The following PPFIA2 variants were observed in gnomAD, a reference collection of about 807,000 sequenced individuals.
PPFIA2 encodes the protein liprin-alpha-2.
PPFIA2 carries 46 observed loss-of-function variants against 175.5 expected under a neutral mutation model. The observed-to-expected ratio is 0.26, with a 90% CI of 0.21 to 0.34. The LOEUF (loss-of-function observed/expected upper bound fraction) is 0.34. PPFIA2 is among the 10% of genes least tolerant of loss of function. The pLI is 1.00. For missense variants in PPFIA2, 1,179 were observed against 1,506.1 expected (o/e 0.78, Z 3.60); for synonymous variants, 568 against 511.4 (o/e 1.11, Z -1.49).
intron 27 of PPFIA2, among the ~76,000 whole-genome samples, chr12:81,280,602 C>T (rs2041862326): frequency 6.6e-6 from 1 of 152,138 alleles, no homozygotes; most frequent in Admixed American, 6.5e-5. Context: ...GCTGACATTG[C>T]TTCACCTAAC....
At chr12:81,606,587 TTA>T (rs1439446671) in intron 4 of PPFIA2, among the ~76,000 whole-genome samples, 14 of 152,014 alleles carry the variant, frequency 9.2e-5, no homozygotes, top group Non-Finnish European at 1.9e-4. Flanking sequence ...TCAGTATTTT[TTA>T]TGTTTGCTGG....
At chr12:81,319,571 C>T (rs755835541) in intron 22 of PPFIA2, among the ~76,000 whole-genome samples, 35 of 151,648 alleles carry the variant, frequency 2.3e-4, no homozygotes, top group Non-Finnish European at 8.9e-5. Context: ...AATTAGTTGC[C>T]GAGGAATTTT....
chr12:81,639,500 T>G (rs1312476811), intron 4 of PPFIA2, among the ~76,000 whole-genome samples: 2 of 151,938 alleles, frequency 1.3e-5, no homozygotes, highest in African/African-American at 4.8e-5. Flanking sequence ...ACACACATTC[T>G]TTTTAACCAC....
chr12:81,279,158 G>T (rs1437274523), intron 27 of PPFIA2: 2 of 152,112 alleles, frequency 1.3e-5, no homozygotes, highest in African/African-American at 2.4e-5. Flanking sequence ...AAGAGATTTG[G>T]ACACTTGGTG....
chr12:81,513,541 G>A (rs1423799895), intron 4 of PPFIA2, among the ~76,000 whole-genome samples: 4 of 151,810 alleles, frequency 2.6e-5, no homozygotes, highest in Non-Finnish European at 5.9e-5. Context: ...TATTTTGAAA[G>A]GATTTTAGAT....
At chr12:81,552,800 A>T (rs1048984753) in intron 4 of PPFIA2, among the ~76,000 whole-genome samples, 3 of 152,112 alleles carry the variant, frequency 2.0e-5, no homozygotes, top group Non-Finnish European at 4.4e-5. Flanking sequence ...GCTAAACAGT[A>T]AAGTAGCTTT....
chr12:81,697,186 A>C (rs1367500972), intron 3 of PPFIA2, among the ~76,000 whole-genome samples: 5 of 152,086 alleles, frequency 3.3e-5, no homozygotes, highest in South Asian at 2.1e-4. Context: ...CATCTTTCCC[A>C]TTCTCTTTCA....
rs1567687759 is a variant in PPFIA2, at chr12:81,642,714, G to GTATATATTATATACATACATTATGTATA, written c.303+34076_303+34077insTATACATAATGTATGTATATAATATATA. 7.4e-3 allele frequency among the ~76,000 whole-genome samples: 172 copies of GTATATATTATATACATACATTATGTATA among 23,318 alleles called. 52 individuals are homozygous for GTATATATTATATACATACATTATGTATA. The highest frequency in any genetic ancestry group is 0.011 in the Non-Finnish European group (139 of 12,968). 15.3% of individuals were successfully genotyped at this position (23,318 alleles called of 152,430 possible). A position where few individuals can be genotyped will look rare whatever the true frequency, so the allele number is the denominator to read the frequency against. ...TATACATACATGTATATGTATGTAT[G>GTATATATTATATACATACATTATGTATA]TATTATATACATACATGTATATGTA... On this transcript the variant is annotated intron_variant, in intron 4 of 32. Transcript: ENST00000549396.
intron 3 of PPFIA2, among the ~76,000 whole-genome samples, chr12:81,709,069 C>T (rs932856588): frequency 6.6e-6 from 1 of 152,102 alleles, no homozygotes; most frequent in East Asian, 1.9e-4. Flanking sequence ...CCAGAGCCAT[C>T]GGACTGCCAA....
intron 22 of PPFIA2, among the ~76,000 whole-genome samples, chr12:81,303,800 A>G (rs1343317923): frequency 6.6e-6 from 1 of 152,190 alleles, no homozygotes; most frequent in Non-Finnish European, 1.5e-5. Flanking sequence ...TTCTAGATAA[A>G]AGACCAATAG....
intron 3 of PPFIA2, among the ~76,000 whole-genome samples, chr12:81,750,645 T>C (rs2083635979): frequency 6.6e-6 from 1 of 152,164 alleles, no homozygotes; most frequent in South Asian, 2.1e-4. Context: ...CAGCACTTTT[T>C]AAACGCAGAT....
At chr12:81,361,011 T>C (rs2029925459) in intron 15 of PPFIA2, among the ~76,000 whole-genome samples, 1 of 151,704 alleles carries the variant, frequency 6.6e-6, no homozygotes, top group Non-Finnish European at 1.5e-5. Flanking sequence ...TAATTATCTG[T>C]GAGTCCTAGG....
At chr12:81,360,128 T>A (rs2061405154) in intron 15 of PPFIA2, among the ~76,000 whole-genome samples, 1 of 151,940 alleles carries the variant, frequency 6.6e-6, no homozygotes, top group Non-Finnish European at 1.5e-5. Flanking sequence ...CTCCTAGTAT[T>A]CTTTTTTATT....
Position 81,714,156 on chromosome 12 carries a change from T to C in PPFIA2, c.250-37312A>G, listed in dbSNP as rs193270583. ...GAGAGAGAGAGGTGGTCAGACCAAA[T>C]GGTAAATATGTATAGAAGCATAAAT... On this transcript the variant is annotated intron_variant, in intron 3 of 32. Transcript: ENST00000549396. Among the ~76,000 whole-genome samples the C allele has an allele frequency of 2.4e-3, 359 of 151,080 alleles. 5 individuals carry two copies. The highest frequency in any genetic ancestry group is 8.4e-3 in the African/African-American group (349 of 41,460).
chr12:81,567,078 G>A (rs1353440613), intron 4 of PPFIA2, among the ~76,000 whole-genome samples: 4 of 152,056 alleles, frequency 2.6e-5, no homozygotes, highest in East Asian at 1.9e-4. Context: ...ACTGAGTGGC[G>A]CTCTGTCGCC....
At chr12:81,393,967 T>C (rs1008385975) in intron 8 of PPFIA2, among the ~76,000 whole-genome samples, 1 of 152,020 alleles carries the variant, frequency 6.6e-6, no homozygotes, top group Non-Finnish European at 1.5e-5. Context: ...ATGGTTTAAT[T>C]TGGCCTGTAT....
At chr12:81,738,105 C>A (rs2081864413) in intron 3 of PPFIA2, among the ~76,000 whole-genome samples, 1 of 149,976 alleles carries the variant, frequency 6.7e-6, no homozygotes. Context: ...CTAAAGCAGC[C>A]AAAAAGATTA....
In PPFIA2 at chr12:81,619,166, G is replaced by A. The variant is rs114941076; in HGVS notation, c.303+57625C>T. 4.1e-3 allele frequency among the ~76,000 whole-genome samples: 618 copies of A among 152,252 alleles called. 3 individuals carry two copies. Among genetic ancestry groups the A allele is most frequent in the African/African-American group, 0.014 (579 of 41,542 alleles). On this transcript the variant is annotated intron_variant, in intron 4 of 32. Transcript: ENST00000549396. ...ACATTCTTCTCTTTGGACTACAAGC[G>A]AAGTAAAACATCCGTCTCTGGTAAT...
chr12:81,462,603 T>C (rs1165310582), intron 4 of PPFIA2, among the ~76,000 whole-genome samples: 1 of 142,826 alleles, frequency 7.0e-6, no homozygotes, highest in East Asian at 2.1e-4. Flanking sequence ...TATATATATA[T>C]ATATAATATA....
Sources: allele counts gnomAD v4.1 joint callset (sites outside exome capture counted in the v4.1 genomes callset), GRCh38; gene constraint gnomAD v4.1.1; transcripts MANE v1.5; gene names NCBI Gene and HGNC (gene_info 2026-07-23, HGNC 2026-07-21).